The following DCHS2 variants were observed in gnomAD, a reference collection of about 807,000 sequenced individuals.
DCHS2 encodes dachsous cadherin-related 2.
Under a neutral mutation model 182.4 loss-of-function variants are expected in DCHS2, and 142 were observed. The observed-to-expected ratio is 0.78, with a 90% CI of 0.68 to 0.89. The LOEUF (loss-of-function observed/expected upper bound fraction) is 0.89, where lower values mean the gene tolerates loss of function less well. Among genes scored for constraint, DCHS2 ranks in the 40% least tolerant of loss-of-function variants. The pLI is 0.00. For missense variants in DCHS2, 4,319 were observed against 4,198.6 expected (o/e 1.03, Z -0.79); for synonymous variants, 1,740 against 1,663.3 (o/e 1.05, Z -1.12).
intron 1 of DCHS2, chr4:154,384,238 GGCTT>G: frequency 7.1e-7 from 1 of 1,408,214 alleles, no homozygotes; most frequent in Admixed American, 2.4e-5. Flanking sequence ...TAATGATCGA[GGCTT>G]GATCTTTATT....
intron 9 of DCHS2, among the ~76,000 whole-genome samples, chr4:154,319,120 G>A (rs1032481463): frequency 3.3e-5 from 5 of 152,104 alleles, no homozygotes; most frequent in African/African-American, 4.8e-5. Context: ...AACAAATGAT[G>A]TGGGGAAACC....
chr4:154,344,626 C>A (rs995345118), intron 3 of DCHS2, among the ~76,000 whole-genome samples: 14 of 152,238 alleles, frequency 9.2e-5, no homozygotes, highest in African/African-American at 3.4e-4. Flanking sequence ...CTCCAAGAAC[C>A]TGCAACCTTC....
intron 15 of DCHS2, among the ~76,000 whole-genome samples, chr4:154,258,979 A>G (rs1470948770): frequency 1.3e-5 from 2 of 152,160 alleles, no homozygotes; most frequent in Non-Finnish European, 2.9e-5. Context: ...AGTGGAGGGA[A>G]AGATGAAACA....
chr4:154,257,381 G>C (rs1289837062), intron 15 of DCHS2, among the ~76,000 whole-genome samples: 2 of 152,196 alleles, frequency 1.3e-5, no homozygotes, highest in Non-Finnish European at 2.9e-5. Context: ...GAATACAAGA[G>C]CCTGAGTGGC....
At position 154,316,103 on chromosome 4, in the gene DCHS2, A is replaced by G. The variant is rs541145257; in HGVS notation, c.5021-116T>C. On this transcript the variant is annotated intron_variant, in intron 9 of 19. Transcript: ENST00000357232. ...TAAAAATTCAGAAGTCTTAACTGCT[A>G]AAATATGAACTGCATTAAATCATCT... 8.8e-5 allele frequency: 129 copies of G among 1,458,390 alleles called. No homozygotes were observed. In the African/African-American group the frequency reaches 1.3e-3, roughly 15 times the overall value. The allele number at this position is 1,458,390 out of a possible 1,614,324, so 90.3% of individuals were successfully genotyped here.
intron 13 of DCHS2, among the ~76,000 whole-genome samples, chr4:154,281,709 C>T (rs1734157908): frequency 6.6e-6 from 1 of 151,938 alleles, no homozygotes; most frequent in Non-Finnish European, 1.5e-5. Context: ...GTCAAAGGAC[C>T]CTGAATAGTC....
intron 13 of DCHS2, chr4:154,284,707 C>A (rs547935716): frequency 6.6e-6 from 1 of 152,378 alleles, no homozygotes; most frequent in South Asian, 2.1e-4. Flanking sequence ...TAATCCAACC[C>A]TGGTGATAGG....
At chr4:154,413,507 A>G (rs1732711738) in intron 1 of DCHS2, among the ~76,000 whole-genome samples, 1 of 152,170 alleles carries the variant, frequency 6.6e-6, no homozygotes. Context: ...CTGATGCTGG[A>G]TATCTCCAGG....
chr4:154,437,939 A>G (rs1342607452), intron 1 of DCHS2, among the ~76,000 whole-genome samples: 1 of 152,180 alleles, frequency 6.6e-6, no homozygotes, highest in East Asian at 1.9e-4. Flanking sequence ...CGGAAGGCCA[A>G]GGCAGGAGGA....
At chr4:154,401,730 C>T (rs147822301) in intron 1 of DCHS2, among the ~76,000 whole-genome samples, 4,016 of 152,284 alleles carry the variant, frequency 0.026, 153 homozygotes, top group South Asian at 0.14. Context: ...TGGTAGCTCA[C>T]GCCTGTAATC....
intron 10 of DCHS2, among the ~76,000 whole-genome samples, chr4:154,314,057 C>A (rs996528549): frequency 1.3e-5 from 2 of 152,060 alleles, no homozygotes; most frequent in African/African-American, 4.8e-5. Flanking sequence ...ATTCTTTTCT[C>A]CCTCTTCAAG....
At chr4:154,473,321 C>T (rs1735551005) in intron 1 of DCHS2, among the ~76,000 whole-genome samples, 1 of 152,206 alleles carries the variant, frequency 6.6e-6, no homozygotes, top group Non-Finnish European at 1.5e-5. Flanking sequence ...GTGATCATTC[C>T]GTTAAACTAA....
intron 13 of DCHS2, among the ~76,000 whole-genome samples, chr4:154,283,264 AAAT>A (rs1200104876): frequency 6.6e-6 from 1 of 152,178 alleles, no homozygotes; most frequent in Non-Finnish European, 1.5e-5. Flanking sequence ...CTTTTTAAAA[AAAT>A]CACTCCTGAT....
At chr4:154,399,111 T>C (rs925065823) in intron 1 of DCHS2, among the ~76,000 whole-genome samples, 2 of 152,356 alleles carry the variant, frequency 1.3e-5, no homozygotes, top group East Asian at 1.9e-4. Flanking sequence ...GATATCTGTC[T>C]TCTGGGAGAA....
chr4:154,279,737 G>C (rs1734038346), intron 13 of DCHS2, among the ~76,000 whole-genome samples: 1 of 151,898 alleles, frequency 6.6e-6, no homozygotes, highest in Admixed American at 6.6e-5. Flanking sequence ...GTAATACTAA[G>C]AGGAAAGTTA....
chr4:154,257,370 T>G (rs1272924067), intron 15 of DCHS2, among the ~76,000 whole-genome samples: 1 of 152,034 alleles, frequency 6.6e-6, no homozygotes, highest in Non-Finnish European at 1.5e-5. Flanking sequence ...CAGTGCCCAG[T>G]GAATACAAGA....
intron 1 of DCHS2, among the ~76,000 whole-genome samples, chr4:154,454,410 A>T (rs1375836283): frequency 3.3e-5 from 5 of 152,042 alleles, no homozygotes; most frequent in African/African-American, 7.2e-5. Context: ...TGCTCAGTTA[A>T]TTTTTCTATT....
chr4:154,483,982 A>G (rs1579125631), intron 1 of DCHS2, among the ~76,000 whole-genome samples: 1 of 152,292 alleles, frequency 6.6e-6, no homozygotes, highest in East Asian at 1.9e-4. Flanking sequence ...ATAGCCTTCA[A>G]GATGTATTTT....
At chr4:154,293,047 T>G (rs2111265475) in intron 13 of DCHS2, among the ~76,000 whole-genome samples, 1 of 152,310 alleles carries the variant, frequency 6.6e-6, no homozygotes, top group Non-Finnish European at 1.5e-5. Flanking sequence ...AAAATATTGA[T>G]GTTACTTTAG....
Sources: gnomAD v4.1 joint callset for allele counts (sites outside exome capture counted in the v4.1 genomes callset) on GRCh38, gnomAD v4.1.1 for gene constraint, MANE v1.5 for transcripts, NCBI Gene and HGNC (gene_info 2026-07-23, HGNC 2026-07-21) for gene names.